Variants in REPS2 observed in about 807,000 individuals in gnomAD.
REPS2 encodes the protein RALBP1 associated Eps domain containing 2.
REPS2 carries 23 observed loss-of-function variants against 53.6 expected under a neutral mutation model. The observed-to-expected ratio is 0.43, with a 90% CI of 0.31 to 0.61. The LOEUF is 0.61. Among genes scored for constraint, REPS2 ranks in the 20% least tolerant of loss-of-function variants. The pLI is 0.11. For missense variants in REPS2, 446 were observed against 534.9 expected, an observed-to-expected ratio of 0.83 and a Z score of 1.64; for synonymous variants, 238 against 218.6, an observed-to-expected ratio of 1.09 and a Z score of -0.78.
At chrX:17,039,508 A>G (rs907903025) in intron 5 of REPS2, among the ~76,000 whole-genome samples, 1 of 112,295 alleles carries the variant, frequency 8.9e-6, no homozygotes, top group Non-Finnish European at 1.9e-5. Flanking sequence ...GCCAAAATCT[A>G]AAACTAAACT....
intron 1 of REPS2, among the ~76,000 whole-genome samples, chrX:16,991,375 T>A (rs1011680362): frequency 5.4e-5 from 6 of 111,817 alleles, no homozygotes; most frequent in Non-Finnish European, 1.1e-4. Flanking sequence ...CCACATTTCA[T>A]TGTAGCTAGG....
At chrX:17,118,150 G>A (rs1169921178) in intron 14 of REPS2, among the ~76,000 whole-genome samples, 16 of 104,584 alleles carry the variant, frequency 1.5e-4, no homozygotes, top group Admixed American at 4.1e-4. Flanking sequence ...TAGTAGAGAC[G>A]GGGTTTCACC....
intron 5 of REPS2, 88 bp from the exon 6 acceptor site, chrX:17,047,259 A>T: frequency 2.0e-6 from 2 of 1,023,299 alleles, no homozygotes; most frequent in Non-Finnish European, 2.7e-6. Context: ...TAAGCATAAC[A>T]CATGATAACT....
intron 2 of REPS2, among the ~76,000 whole-genome samples, chrX:17,018,603 T>TTTC (rs1491473981): frequency 7.5e-4 from 4 of 5,359 alleles, no homozygotes; most frequent in Non-Finnish European, 1.1e-3. Context: ...TCTTTCTTTC[T>TTTC]TTTTTTTTTT....
At chrX:17,081,327 G>C (rs2062452974) in intron 13 of REPS2, among the ~76,000 whole-genome samples, 1 of 111,537 alleles carries the variant, frequency 9.0e-6, no homozygotes, top group Non-Finnish European at 1.9e-5. Context: ...TTGTTACATA[G>C]GAGTGATGAT....
At chrX:16,958,203 A>G (rs2060620073) in intron 1 of REPS2, among the ~76,000 whole-genome samples, 1 of 111,749 alleles carries the variant, frequency 8.9e-6, no homozygotes, top group South Asian at 3.8e-4. Context: ...TGATGTCTCA[A>G]TTGAGAGGCT....
intron 16 of REPS2, chrX:17,137,981 A>G (rs1014943322): frequency 6.2e-5 from 7 of 112,304 alleles, no homozygotes; most frequent in African/African-American, 9.7e-5. Flanking sequence ...TCTAGAACCT[A>G]TCTCCCAGTA....
chrX:17,022,318 C>A (rs201013541), intron 3 of REPS2, 47 bp downstream of exon 3: 1 of 1,119,929 alleles, frequency 8.9e-7, no homozygotes, highest in Admixed American at 2.3e-5. Flanking sequence ...ACCATGAAAC[C>A]GCATGTAGCA....
chrX:17,058,452 C>CAAA (rs66501468), intron 8 of REPS2, among the ~76,000 whole-genome samples: 17 of 70,970 alleles, frequency 2.4e-4, no homozygotes, highest in African/African-American at 7.4e-4. Context: ...GACTCCTTCT[C>CAAA]AAAAAAAAAA....
chrX:16,988,034 G>A (rs1293218029), intron 1 of REPS2, among the ~76,000 whole-genome samples: 1 of 111,364 alleles, frequency 9.0e-6, no homozygotes, highest in African/African-American at 3.3e-5. Context: ...CATACTTTGA[G>A]AGGCGAGCTA....
chrX:17,024,366 T>TTG (rs2061613800), intron 3 of REPS2, among the ~76,000 whole-genome samples: 2 of 97,767 alleles, frequency 2.0e-5, no homozygotes, highest in African/African-American at 8.3e-5. Context: ...TAGTAAAGTT[T>TTG]TTTTTTTTTT....
chrX:17,056,276 T>C (rs1294341455), intron 8 of REPS2, among the ~76,000 whole-genome samples: 2 of 112,322 alleles, frequency 1.8e-5, no homozygotes, highest in Non-Finnish European at 3.8e-5. Context: ...CCAGCTGGTA[T>C]AAAATGAAGA....
chrX:17,054,821 G>A lies in REPS2; in HGVS notation c.985G>A (p.Ala329Thr). 8.3e-7 allele frequency: 1 copy of A among 1,210,942 alleles called. No individual in the cohort carries two copies. Among genetic ancestry groups the A allele is most frequent in the Non-Finnish European group, 1.1e-6 (1 of 895,097 alleles). The change falls in exon 8 of 18, where the codon GCT becomes ACT. Residue 329 changes from alanine (A) to threonine (T), a missense_variant. Coordinates refer to ENST00000357277, the MANE Select transcript of REPS2 (RefSeq NM_004726.3). The part of the protein sequence containing the change: ...ELSYIWELSD[A>T]DCDGALTLPE... Reference sequence around the variant, plus strand: ...TGTTTCATTTAGGGAGCTTAGTGATGCTGACTGTGATGGAGCCCTGACCCT... The same window carrying A: ...TGTTTCATTTAGGGAGCTTAGTGATACTGACTGTGATGGAGCCCTGACCCT...
At chrX:17,096,616 C>T (rs1329124197) in intron 13 of REPS2, among the ~76,000 whole-genome samples, 3 of 75,837 alleles carry the variant, frequency 4.0e-5, no homozygotes, top group African/African-American at 5.4e-5. Flanking sequence ...GCCGAGATCC[C>T]GCCACTGCAC....
At chrX:17,113,115 A>AAAAAAC (rs2073034329) in intron 14 of REPS2, among the ~76,000 whole-genome samples, 1 of 81,677 alleles carries the variant, frequency 1.2e-5, no homozygotes, top group South Asian at 6.7e-4. Flanking sequence ...AAAAAAAAAA[A>AAAAAAC]AGAAACTGGA....
chrX:17,063,696 A>G (rs2062187667), intron 9 of REPS2, among the ~76,000 whole-genome samples: 1 of 111,502 alleles, frequency 9.0e-6, no homozygotes, highest in South Asian at 3.8e-4. Context: ...AAAGAGAGAG[A>G]TAAAATAGTT....
chrX:17,174,826 T>G, the REPS2 span, among the ~76,000 whole-genome samples: 1 of 112,674 alleles, frequency 8.9e-6, no homozygotes, highest in Non-Finnish European at 1.9e-5. Flanking sequence ...TGCTGCTATT[T>G]TTCTAGAAGC....
intron 11 of REPS2, among the ~76,000 whole-genome samples, chrX:17,072,250 T>C (rs2062317194): frequency 8.9e-6 from 1 of 112,761 alleles, no homozygotes; most frequent in Admixed American, 9.4e-5. Flanking sequence ...AATAGTAATA[T>C]TTTGCAATTC....
chrX:16,978,920 G>A (rs1249527057), intron 1 of REPS2, among the ~76,000 whole-genome samples: 1 of 111,345 alleles, frequency 9.0e-6, no homozygotes, highest in Non-Finnish European at 1.9e-5. Context: ...TTAATAACAC[G>A]TGAGGCAAAA....
Sources: allele counts gnomAD v4.1 joint callset (sites outside exome capture counted in the v4.1 genomes callset), GRCh38; gene constraint gnomAD v4.1.1; transcripts MANE v1.5; gene names NCBI Gene and HGNC (gene_info 2026-07-23, HGNC 2026-07-21).